The following FBXO36 variants were observed in gnomAD, a reference collection of about 807,000 sequenced individuals.
FBXO36 encodes F-box only protein 36.
In FBXO36, 18 loss-of-function variants were observed where a neutral mutation model predicts 17.0. The observed-to-expected ratio is 1.06, with a 90% CI of 0.73 to 1.57. FBXO36 has a LOEUF of 1.57. FBXO36 is among the 40% of genes most tolerant of loss of function. FBXO36 has a pLI of 0.00. For synonymous variants in FBXO36, 83 were observed against 85.3 expected, an observed-to-expected ratio of 0.97 and a Z score of 0.15; for missense variants, 229 against 221.9, an observed-to-expected ratio of 1.03 and a Z score of -0.20.
chr2:229,935,532 A>AAAT (rs1156236000), intron 1 of FBXO36, among the ~76,000 whole-genome samples: 3 of 151,988 alleles, frequency 2.0e-5, no homozygotes, highest in Admixed American at 6.6e-5. Context: ...AAATAAATAA[A>AAAT]AATAATAATA....
intron 1 of FBXO36, among the ~76,000 whole-genome samples, chr2:229,929,796 T>G (rs979972757): frequency 6.6e-6 from 1 of 151,574 alleles, no homozygotes; most frequent in African/African-American, 2.4e-5. Flanking sequence ...GAGGTGGAGG[T>G]TGCAGTGAGC....
chr2:229,986,769 A>G (rs991431073), intron 2 of FBXO36, among the ~76,000 whole-genome samples: 6 of 151,668 alleles, frequency 4.0e-5, no homozygotes, highest in Non-Finnish European at 8.8e-5. Flanking sequence ...TCCTGACCTC[A>G]GGTGATCCAC....
intron 1 of FBXO36, among the ~76,000 whole-genome samples, chr2:229,949,598 A>T (rs2077046183): frequency 6.6e-6 from 1 of 151,904 alleles, no homozygotes; most frequent in Admixed American, 6.6e-5. Flanking sequence ...GATGCTGAGA[A>T]ATACTTGGTA....
chr2:229,972,915 A>G (rs958136633), intron 1 of FBXO36, among the ~76,000 whole-genome samples: 1 of 151,592 alleles, frequency 6.6e-6, no homozygotes, highest in Non-Finnish European at 1.5e-5. Flanking sequence ...TACAAAAATT[A>G]GCCAGGCGTG....
At chr2:229,981,417 T>G (rs2106198939) in intron 2 of FBXO36, among the ~76,000 whole-genome samples, 1 of 152,154 alleles carries the variant, frequency 6.6e-6, no homozygotes, top group Admixed American at 6.5e-5. Context: ...CTCACTCTGC[T>G]GCCTAGGCTG....
intron 3 of FBXO36, 27 bp from the exon 4 acceptor site, chr2:230,010,669 C>G (rs1413377864): frequency 6.3e-7 from 1 of 1,583,310 alleles, no homozygotes; most frequent in Admixed American, 1.7e-5. Context: ...TGTGCTGTAA[C>G]CCACCTCTGA....
rs1418943101 is a variant in FBXO36, at chr2:230,011,518, C to G, written c.*634C>G. ...TGACTGGAGAAGTGCAGGCATCCTG[C>G]TTGCGGACCTTGCTCAAAGTACAAC... On this transcript the variant is annotated 3_prime_UTR_variant, in exon 4 of 4. Transcript: ENST00000283946. 6.6e-6 allele frequency: 1 copy of G among 151,930 alleles called. No individual in the cohort carries two copies. Among genetic ancestry groups the G allele is most frequent in the Non-Finnish European group, 1.5e-5 (1 of 68,024 alleles). 9.4% of individuals were successfully genotyped at this position (151,930 alleles called of 1,614,324 possible). A position where few individuals can be genotyped will look rare whatever the true frequency, so the allele number is the denominator to read the frequency against.
chr2:229,947,164 G>A (rs937919957), intron 1 of FBXO36, among the ~76,000 whole-genome samples: 1 of 152,124 alleles, frequency 6.6e-6, no homozygotes, highest in East Asian at 1.9e-4. Flanking sequence ...GCGAAACTCT[G>A]TCTCAAAAGT....
chr2:229,961,477 G>T (rs890848445), intron 1 of FBXO36, among the ~76,000 whole-genome samples: 4 of 152,106 alleles, frequency 2.6e-5, no homozygotes, highest in Non-Finnish European at 5.9e-5. Context: ...CCAGGTTCAA[G>T]CGATTCTCCT....
chr2:230,010,552 G>A (rs778782463), intron 3 of FBXO36, 144 bp from the exon 4 acceptor site: 3 of 654,290 alleles, frequency 4.6e-6, no homozygotes, highest in Non-Finnish European at 7.7e-6. Context: ...GTGTCTGGCT[G>A]TTTTCCTCAA....
Position 230,012,216 on chromosome 2 carries a change from T to C in FBXO36, c.*1332T>C, listed in dbSNP as rs1577370068. ...ATACAGAAGTTGTGGACTCTGGCTC[T>C]TTGTCCCACCTAAGTCCTTCCAGAA... On this transcript the variant is annotated 3_prime_UTR_variant, in exon 4 of 4. Transcript: ENST00000283946. 1.3e-5 allele frequency: 2 copies of C among 152,206 alleles called. No homozygotes were observed. The highest frequency in any genetic ancestry group is 6.5e-5 in the Admixed American group (1 of 15,278). 9.4% of individuals were successfully genotyped at this position (152,206 alleles called of 1,614,324 possible).
intron 2 of FBXO36, among the ~76,000 whole-genome samples, chr2:229,991,618 T>A (rs1456006741): frequency 6.6e-6 from 1 of 152,226 alleles, no homozygotes; most frequent in Non-Finnish European, 1.5e-5. Flanking sequence ...TTGTACTGCG[T>A]GTGACCCTTT....
At chr2:229,992,736 T>C (rs188438050) in intron 2 of FBXO36, among the ~76,000 whole-genome samples, 67 of 152,322 alleles carry the variant, frequency 4.4e-4, no homozygotes, top group Middle Eastern at 3.4e-3. Context: ...TCTCAAACAG[T>C]TCCAGTGGAC....
chr2:230,004,071 A>G (rs2077373909), intron 3 of FBXO36, among the ~76,000 whole-genome samples: 1 of 152,080 alleles, frequency 6.6e-6, no homozygotes, highest in East Asian at 1.9e-4. Context: ...GCCTCCTGCC[A>G]CCCTCTGCCC....
chr2:229,975,848 C>T (rs1360272088), intron 1 of FBXO36, among the ~76,000 whole-genome samples: 1 of 151,368 alleles, frequency 6.6e-6, no homozygotes, highest in African/African-American at 2.4e-5. Context: ...ACTCTTGTTA[C>T]CCAGGCTGGA....
At chr2:229,999,124 A>ATTTTT (rs1178050342) in intron 3 of FBXO36, among the ~76,000 whole-genome samples, 2 of 107,998 alleles carry the variant, frequency 1.9e-5, no homozygotes, top group African/African-American at 7.1e-5. Context: ...AAGTAATGTA[A>ATTTTT]TTTTTTTTTT....
chr2:229,923,847 G>GTTTTTTTTTTT (rs71045800), intron 1 of FBXO36, among the ~76,000 whole-genome samples: 2 of 77,710 alleles, frequency 2.6e-5, no homozygotes, highest in Non-Finnish European at 4.6e-5. Flanking sequence ...TTTTGGTGTT[G>GTTTTTTTTTTT]TTTTTTTTTT....
At chr2:229,958,990 C>T (rs1337088314) in intron 1 of FBXO36, among the ~76,000 whole-genome samples, 2 of 152,226 alleles carry the variant, frequency 1.3e-5, no homozygotes, top group African/African-American at 2.4e-5. Flanking sequence ...GTCCTTGGGC[C>T]GGAATGTCCC....
rs563946317 is a variant in FBXO36 at position 230,011,009 on chromosome 2, T to G, written c.*125T>G. On this transcript the variant is annotated 3_prime_UTR_variant, in exon 4 of 4. Coordinates refer to ENST00000283946, the MANE Select transcript of FBXO36 (RefSeq NM_174899.5). ...GTTGATGCGTGGAGCCATTTGAAAC[T>G]CGTAGGGGATTTGCACACAAATGCA... 1 of 1,030,526 alleles carries G rather than the reference T, an allele frequency of 9.7e-7. No homozygotes were observed. The highest frequency in any genetic ancestry group is 2.9e-5 in the Admixed American group (1 of 34,946). The allele number at this position is 1,030,526 out of a possible 1,614,324, so 63.8% of individuals were successfully genotyped here. A position where few individuals can be genotyped will look rare whatever the true frequency, so the allele number is the denominator to read the frequency against.
Sources: gnomAD v4.1 joint callset for allele counts (sites outside exome capture counted in the v4.1 genomes callset) on GRCh38, gnomAD v4.1.1 for gene constraint, MANE v1.5 for transcripts, NCBI Gene and HGNC (gene_info 2026-07-23, HGNC 2026-07-21) for gene names.